Variants in CCDC85A observed in about 807,000 individuals in gnomAD.
The protein encoded by CCDC85A is coiled-coil domain containing 85A.
A neutral mutation model predicts 50.2 loss-of-function variants in CCDC85A; 38 were observed. That is an observed-to-expected ratio of 0.76 (90% CI 0.58 to 0.99). The LOEUF (loss-of-function observed/expected upper bound fraction) is 0.99. Ranked by LOEUF, CCDC85A falls within the 50% of genes least tolerant of loss-of-function variation. The pLI is 0.00. For synonymous variants in CCDC85A, 366 were observed against 301.4 expected (o/e 1.21, Z -2.22); for missense variants, 820 against 742.0 (o/e 1.11, Z -1.22).
At chr2:56,246,458 A>G (rs1055672556) in intron 2 of CCDC85A, among the ~76,000 whole-genome samples, 3 of 151,836 alleles carry the variant, frequency 2.0e-5, no homozygotes, top group African/African-American at 7.3e-5. Context: ...AAAGTCATGA[A>G]GATTTATGCC....
chr2:56,383,723 C>T, intron 5 of CCDC85A: 1 of 985,114 alleles, frequency 1.0e-6, no homozygotes, highest in Non-Finnish European at 1.2e-6. Context: ...AGACTACCAC[C>T]TCAGGACTTA....
At chr2:56,337,841 G>A (rs1281295505) in intron 2 of CCDC85A, among the ~76,000 whole-genome samples, 1 of 150,158 alleles carries the variant, frequency 6.7e-6, no homozygotes, top group East Asian at 2.0e-4. Flanking sequence ...CTGGAGTGCA[G>A]TGGCACGATC....
At chr2:56,250,731 A>G (rs1669716604) in intron 2 of CCDC85A, among the ~76,000 whole-genome samples, 1 of 152,156 alleles carries the variant, frequency 6.6e-6, no homozygotes, top group Non-Finnish European at 1.5e-5. Flanking sequence ...CCCCAAATTG[A>G]GGTATTTGGT....
chr2:56,357,492 T>G (rs531301986), intron 3 of CCDC85A, among the ~76,000 whole-genome samples: 5 of 152,344 alleles, frequency 3.3e-5, no homozygotes, highest in African/African-American at 1.2e-4. Flanking sequence ...TTAAGTACTT[T>G]TATTGCCTTA....
chr2:56,380,975 A>G (rs911477850), intron 5 of CCDC85A, among the ~76,000 whole-genome samples: 17 of 152,118 alleles, frequency 1.1e-4, no homozygotes, highest in Non-Finnish European at 1.6e-4. Context: ...CTTTAGATCT[A>G]TTAGGACCAG....
chr2:56,209,079 C>G (rs1405442752), intron 2 of CCDC85A, among the ~76,000 whole-genome samples: 1 of 152,080 alleles, frequency 6.6e-6, no homozygotes, highest in Admixed American at 6.6e-5. Flanking sequence ...CCACCCTGCT[C>G]TGAAGGCCTG....
At chr2:56,318,989 G>T (rs1247723811) in intron 2 of CCDC85A, among the ~76,000 whole-genome samples, 2 of 152,094 alleles carry the variant, frequency 1.3e-5, no homozygotes, top group Non-Finnish European at 2.9e-5. Flanking sequence ...AATGATGATT[G>T]TAGTCCTAGA....
chr2:56,203,476 CT>C (rs901344490), intron 2 of CCDC85A, among the ~76,000 whole-genome samples: 72 of 151,690 alleles, frequency 4.7e-4, no homozygotes, highest in Non-Finnish European at 8.2e-4. Flanking sequence ...ATTTCTTTGG[CT>C]TTTTTCCTGT....
chr2:56,341,703 A>G (rs1674379588), intron 2 of CCDC85A, among the ~76,000 whole-genome samples: 2 of 152,232 alleles, frequency 1.3e-5, no homozygotes, highest in African/African-American at 2.4e-5. Context: ...TAAGCATGAT[A>G]ATGATTCTGA....
intron 3 of CCDC85A, among the ~76,000 whole-genome samples, chr2:56,361,650 G>A (rs1675532185): frequency 6.6e-6 from 1 of 152,166 alleles, no homozygotes; most frequent in Admixed American, 6.5e-5. Flanking sequence ...GGATATTTCA[G>A]AAAGAGGAAC....
intron 2 of CCDC85A, among the ~76,000 whole-genome samples, chr2:56,308,192 C>G (rs533274309): frequency 1.3e-5 from 2 of 152,256 alleles, no homozygotes; most frequent in South Asian, 4.2e-4. Flanking sequence ...GACATTTTGT[C>G]AAACAAGACA....
At chr2:56,215,060 T>A (rs1005323178) in intron 2 of CCDC85A, among the ~76,000 whole-genome samples, 5 of 151,986 alleles carry the variant, frequency 3.3e-5, no homozygotes, top group Admixed American at 6.6e-5. Context: ...TCATCAGAGT[T>A]TTGTAGTTTA....
intron 2 of CCDC85A, among the ~76,000 whole-genome samples, chr2:56,338,118 G>C (rs887575074): frequency 1.3e-5 from 2 of 152,094 alleles, no homozygotes; most frequent in African/African-American, 2.4e-5. Context: ...GTACTTTGTA[G>C]CTGAGAATTT....
intron 2 of CCDC85A, among the ~76,000 whole-genome samples, chr2:56,313,209 A>G (rs905767856): frequency 5.3e-5 from 8 of 152,016 alleles, no homozygotes; most frequent in Non-Finnish European, 1.0e-4. Flanking sequence ...TCTGTCTTCT[A>G]TTTTTATCTT....
intron 5 of CCDC85A, among the ~76,000 whole-genome samples, chr2:56,381,259 G>C (rs1047193450): frequency 6.8e-6 from 1 of 147,060 alleles, no homozygotes; most frequent in Non-Finnish European, 1.5e-5. Context: ...TTCAACCTGT[G>C]CTTAAGATTT....
chr2:56,214,848 A>T (rs77790530), intron 2 of CCDC85A, among the ~76,000 whole-genome samples: 5 of 151,810 alleles, frequency 3.3e-5, no homozygotes, highest in Non-Finnish European at 7.4e-5. Context: ...TGTGTTGGCT[A>T]TTCTGGATCT....
chr2:56,193,554 G>A (rs1357124565), intron 2 of CCDC85A, 114 bp downstream of exon 2: 3 of 1,228,680 alleles, frequency 2.4e-6, no homozygotes, highest in African/African-American at 3.0e-5. Context: ...TAGGGAGTGG[G>A]TTTGGGGAAG....
chr2:56,257,482 T>G (rs918241876), intron 2 of CCDC85A, among the ~76,000 whole-genome samples: 1 of 151,778 alleles, frequency 6.6e-6, no homozygotes, highest in Non-Finnish European at 1.5e-5. Flanking sequence ...CCAAAAACAA[T>G]GGAGGAAAAC....
intron 3 of CCDC85A, among the ~76,000 whole-genome samples, chr2:56,350,451 AT>A (rs1192011044): frequency 1.3e-5 from 2 of 152,186 alleles, no homozygotes; most frequent in African/African-American, 2.4e-5. Flanking sequence ...AATGCCTGTA[AT>A]CCAGTCTTCT....
Sources: gnomAD v4.1 joint callset for allele counts (sites outside exome capture counted in the v4.1 genomes callset) on GRCh38, gnomAD v4.1.1 for gene constraint, MANE v1.5 for transcripts, NCBI Gene and HGNC (gene_info 2026-07-23, HGNC 2026-07-21) for gene names.